SEMA3A: variants seen among roughly 807,000 people sequenced by gnomAD.
The protein encoded by SEMA3A is semaphorin-3A.
SEMA3A carries 29 observed loss-of-function variants against 97.9 expected under a neutral mutation model. That is an observed-to-expected ratio of 0.30 (90% CI 0.22 to 0.40). The LOEUF is 0.40. Ranked by LOEUF, SEMA3A falls within the 10% of genes least tolerant of loss-of-function variation. The probability of loss-of-function intolerance (pLI) is 1.00; values close to 1 mark genes in which losing one functional copy is unlikely to be tolerated. For missense variants in SEMA3A, 763 were observed against 951.3 expected (o/e 0.80, Z 2.60); for synonymous variants, 321 against 323.7 (o/e 0.99, Z 0.09).
chr7:84,015,963 GC>G (rs1791081547), intron 6 of SEMA3A, among the ~76,000 whole-genome samples: 1 of 152,058 alleles, frequency 6.6e-6, no homozygotes, highest in African/African-American at 2.4e-5. Context: ...CTTAGCACCA[GC>G]TTTTTTAAAA....
intron 9 of SEMA3A, among the ~76,000 whole-genome samples, chr7:84,007,760 A>G (rs569954323): frequency 6.6e-6 from 1 of 152,324 alleles, no homozygotes; most frequent in South Asian, 2.1e-4. Context: ...TATGAAACAT[A>G]GAGTACTAAG....
chr7:84,143,933 T>A (rs1000367861), intron 1 of SEMA3A, among the ~76,000 whole-genome samples: 1 of 141,548 alleles, frequency 7.1e-6, no homozygotes, highest in Non-Finnish European at 1.5e-5. Context: ...TCTCTCTCTC[T>A]CTCTCTCTCT....
At chr7:84,046,555 A>G in intron 5 of SEMA3A, 112 bp from the exon 6 acceptor site, 1 of 1,170,280 alleles carries the variant, frequency 8.5e-7, no homozygotes, top group Non-Finnish European at 1.2e-6. Flanking sequence ...TAAGAGGAAA[A>G]CTGAAATGCT....
In SEMA3A at chr7:84,192,453, C is replaced by T. The variant is rs77997516; in HGVS notation, c.112+2022G>A. 6.8e-3 allele frequency among the ~76,000 whole-genome samples: 1,026 copies of T among 151,928 alleles called. 51 individuals are homozygous for T. The East Asian group carries it at 0.13, about 19-fold the overall frequency. On this transcript the variant is annotated intron_variant, in intron 1 of 16. Coordinates refer to ENST00000265362, the MANE Select transcript of SEMA3A (RefSeq NM_006080.3). The stretch of plus-strand genomic sequence containing the variant: ...GTGTATCAATGGGATTGTTATGTAG[C>T]TGTAAAGCAGTTTTTTACTTAAAGG...
At chr7:84,410,641 C>A (rs2116248335) in intron 1 of SEMA3A, among the ~76,000 whole-genome samples, 1 of 152,218 alleles carries the variant, frequency 6.6e-6, no homozygotes, top group African/African-American at 2.4e-5. Context: ...ACAAAGAGTT[C>A]CTTTCCCAGT....
intron 1 of SEMA3A, among the ~76,000 whole-genome samples, chr7:84,389,477 ACT>A (rs1347488854): frequency 6.6e-6 from 1 of 152,040 alleles, no homozygotes; most frequent in Non-Finnish European, 1.5e-5. Flanking sequence ...TAATTGCGTA[ACT>A]CAACAGTATA....
At chr7:83,969,325 C>T (rs914935301) in intron 15 of SEMA3A, among the ~76,000 whole-genome samples, 1 of 151,072 alleles carries the variant, frequency 6.6e-6, no homozygotes, top group African/African-American at 2.5e-5. Context: ...CCCCTACAAC[C>T]ATCAAAGAAA....
chr7:84,134,773 C>T (rs1265534714), intron 2 of SEMA3A, 21 bp downstream of exon 2: 10 of 1,548,400 alleles, frequency 6.5e-6, no homozygotes, highest in South Asian at 3.5e-5. Flanking sequence ...AACTATAGTG[C>T]ATATATTAGA....
intron 1 of SEMA3A, among the ~76,000 whole-genome samples, chr7:84,379,320 G>A (rs1193284062): frequency 1.3e-5 from 2 of 152,128 alleles, no homozygotes; most frequent in East Asian, 3.8e-4. Flanking sequence ...TGTAATTCAT[G>A]GAGTTAATTT....
At chr7:84,382,477 A>G (rs1359314646) in intron 1 of SEMA3A, among the ~76,000 whole-genome samples, 2 of 151,716 alleles carry the variant, frequency 1.3e-5, no homozygotes. Context: ...GTGGGTGCCT[A>G]CATGAAAAAA....
chr7:84,342,738 C>T (rs986688196), intron 2 of SEMA3A, among the ~76,000 whole-genome samples: 1 of 152,100 alleles, frequency 6.6e-6, no homozygotes. Flanking sequence ...GAGGAATACG[C>T]ATTGAGTTAT....
chr7:84,222,290 C>G (rs1798899847), intron 3 of SEMA3A, among the ~76,000 whole-genome samples: 2 of 151,802 alleles, frequency 1.3e-5, no homozygotes, highest in African/African-American at 4.8e-5. Context: ...CATGTCCTAT[C>G]TTCAGGTATT....
At chr7:84,242,996 A>T (rs533250754) in intron 3 of SEMA3A, among the ~76,000 whole-genome samples, 1 of 152,182 alleles carries the variant, frequency 6.6e-6, no homozygotes, top group Non-Finnish European at 1.5e-5. Context: ...CATCCCAGGG[A>T]TGAAGCCGAC....
At chr7:84,140,530 A>G (rs1352671624) in intron 1 of SEMA3A, among the ~76,000 whole-genome samples, 2 of 152,132 alleles carry the variant, frequency 1.3e-5, no homozygotes, top group African/African-American at 4.8e-5. Context: ...GTATTCATTG[A>G]TGGCTTTAGG....
intron 3 of SEMA3A, among the ~76,000 whole-genome samples, chr7:84,243,076 C>G (rs180915357): frequency 6.6e-6 from 1 of 152,102 alleles, no homozygotes; most frequent in Non-Finnish European, 1.5e-5. Flanking sequence ...ATTTTCATAT[C>G]GATGTTCATC....
intron 1 of SEMA3A, among the ~76,000 whole-genome samples, chr7:84,167,506 T>A (rs1797250089): frequency 6.6e-6 from 1 of 152,164 alleles, no homozygotes; most frequent in Non-Finnish European, 1.5e-5. Flanking sequence ...CTTAGGGATT[T>A]TGAATACTAG....
chr7:84,000,265 G>A (rs980513008), intron 12 of SEMA3A, among the ~76,000 whole-genome samples: 3 of 151,944 alleles, frequency 2.0e-5, no homozygotes, highest in Non-Finnish European at 4.4e-5. Context: ...TATGGGACAT[G>A]GTGATTGATA....
intron 1 of SEMA3A, among the ~76,000 whole-genome samples, chr7:84,486,511 G>A (rs940394705): frequency 6.6e-6 from 1 of 151,980 alleles, no homozygotes; most frequent in South Asian, 2.1e-4. Flanking sequence ...ATATGGCTTG[G>A]GCATGCTCCT....
At chr7:84,096,462 T>C (rs1276662125) in intron 4 of SEMA3A, among the ~76,000 whole-genome samples, 1 of 152,066 alleles carries the variant, frequency 6.6e-6, no homozygotes, top group African/African-American at 2.4e-5. Context: ...GTGTTCAGTA[T>C]AGCATTAAGC....
Sources: gnomAD v4.1 joint callset for allele counts (sites outside exome capture counted in the v4.1 genomes callset) on GRCh38, gnomAD v4.1.1 for gene constraint, MANE v1.5 for transcripts, NCBI Gene and HGNC (gene_info 2026-07-23, HGNC 2026-07-21) for gene names.